GDPD1: variants seen among roughly 807,000 people sequenced by gnomAD.
GDPD1 encodes the protein lysophospholipase D GDPD1.
GDPD1 carries 28 observed loss-of-function variants against 45.1 expected under a neutral mutation model. That is an observed-to-expected ratio of 0.62 (90% CI 0.46 to 0.85). The LOEUF is 0.85. Ranked by LOEUF, GDPD1 falls within the 40% of genes least tolerant of loss-of-function variation. The pLI is 0.00. For synonymous variants in GDPD1, 139 were observed against 131.4 expected (o/e 1.06, Z -0.40); for missense variants, 256 against 364.8 (o/e 0.70, Z 2.43).
At chr17:59,251,519 C>CA (rs112165058) in intron 4 of GDPD1, among the ~76,000 whole-genome samples, 3,853 of 126,988 alleles carry the variant, frequency 0.03, 179 homozygotes, top group African/African-American at 0.1. Context: ...GACTGTGTCT[C>CA]AAAAAAAAAA....
At chr17:59,266,577 A>G (rs965141708) in intron 6 of GDPD1, among the ~76,000 whole-genome samples, 1 of 152,058 alleles carries the variant, frequency 6.6e-6, no homozygotes, top group Non-Finnish European at 1.5e-5. Context: ...TTTATATTTG[A>G]TTCATAACAT....
chr17:59,257,073 A>G, intron 4 of GDPD1, 49 bp from the exon 5 acceptor site: 1 of 960,704 alleles, frequency 1.0e-6, no homozygotes, highest in Non-Finnish European at 1.6e-6. Flanking sequence ...AGTCATCAAA[A>G]AGTAAAACTT....
At chr17:59,260,280 G>A (rs1004792264) in intron 6 of GDPD1, among the ~76,000 whole-genome samples, 6 of 151,154 alleles carry the variant, frequency 4.0e-5, no homozygotes, top group Admixed American at 2.0e-4. Context: ...AGTGGCTCAC[G>A]CTTGTAATCC....
chr17:59,229,105 A>T (rs868044782), intron 1 of GDPD1, among the ~76,000 whole-genome samples: 12 of 147,376 alleles, frequency 8.1e-5, no homozygotes, highest in East Asian at 2.0e-4. Context: ...GAGGAAAAAA[A>T]TTTTTTTCCT....
At chr17:59,242,923 G>C (rs565985240) in intron 2 of GDPD1, among the ~76,000 whole-genome samples, 1 of 152,200 alleles carries the variant, frequency 6.6e-6, no homozygotes, top group Non-Finnish European at 1.5e-5. Context: ...CAGAGGCTGG[G>C]CATGGTGGTT....
Position 59,275,279 on chromosome 17 carries a change from A to G in GDPD1, c.*1506A>G. On this transcript the variant is annotated 3_prime_UTR_variant, in exon 10 of 10. Transcript: ENST00000284116. ...TGTGTAGTTATTTGGCAAGTTATAC[A>G]TAATCAGCAGCAGCCAGGCTCAAGA... The G allele has an allele frequency of 9.7e-6, 11 of 1,133,114 alleles. No individual in the cohort carries two copies. The highest frequency in any genetic ancestry group is 1.4e-5 in the Non-Finnish European group (11 of 786,614). 70.2% of individuals were successfully genotyped at this position (1,133,114 alleles called of 1,614,324 possible). A position where few individuals can be genotyped will look rare whatever the true frequency, so the allele number is the denominator to read the frequency against.
rs1453515869 is a variant in GDPD1 at position 59,220,737 on chromosome 17, T to A, written c.128T>A (p.Ile43Asn). The A allele has an allele frequency of 4.3e-6, 7 of 1,613,414 alleles. No individual in the cohort carries two copies. The highest frequency in any genetic ancestry group is 5.9e-6 in the Non-Finnish European group (7 of 1,179,918). Residue 43 changes from isoleucine (I) to asparagine (N), a missense_variant, in exon 1 of 10, where the codon ATC becomes AAC. Transcript: ENST00000284116. ...AAGCAGCGATTCCTCAGTAAACACA[T>A]CTCTCACCGCGGAGGTGAGAGGGGT... ...RKKQRFLSKHISHRGGAGENL... is the reference protein window; with the variant it reads ...RKKQRFLSKHNSHRGGAGENL...
chr17:59,263,230 C>T (rs2047371686), intron 6 of GDPD1, among the ~76,000 whole-genome samples: 1 of 152,016 alleles, frequency 6.6e-6, no homozygotes, highest in African/African-American at 2.4e-5. Flanking sequence ...TGGAGTCTCT[C>T]TGTATTGCCC....
In GDPD1 at chr17:59,232,436, C is replaced by T. The variant is rs1376097834; in HGVS notation, c.143-2056C>T. ...CTGCACTCCAGACTGGGTGACAGAG[C>T]GAGACTCCGTCTCAAAAAAAAAAAA... On this transcript the variant is annotated intron_variant, in intron 1 of 9. Transcript: ENST00000284116. Among the ~76,000 whole-genome samples the T allele has an allele frequency of 1.8e-4, 26 of 148,142 alleles. No homozygotes were observed. In the Admixed American group the frequency reaches 1.8e-3, roughly 10 times the overall value.
chr17:59,232,610 A>G (rs2047100086), intron 1 of GDPD1, among the ~76,000 whole-genome samples: 1 of 152,202 alleles, frequency 6.6e-6, no homozygotes, highest in African/African-American at 2.4e-5. Context: ...TTATAACAAT[A>G]TAGATGATGT....
intron 2 of GDPD1, among the ~76,000 whole-genome samples, chr17:59,234,767 C>T (rs1206243367): frequency 2.0e-5 from 3 of 152,026 alleles, no homozygotes; most frequent in East Asian, 1.9e-4. Flanking sequence ...TCAAAAGATA[C>T]TATAGTTACA....
intron 3 of GDPD1, among the ~76,000 whole-genome samples, chr17:59,246,675 T>C (rs8074450): frequency 0.42 from 51,691 of 123,232 alleles, 12,609 homozygotes; most frequent in African/African-American, 0.68. Flanking sequence ...TGCCATTGCA[T>C]TCCAGGCTGG....
intron 6 of GDPD1, among the ~76,000 whole-genome samples, chr17:59,263,540 G>A (rs1271402828): frequency 2.4e-5 from 3 of 123,440 alleles, no homozygotes; most frequent in East Asian, 2.4e-4. Context: ...GTGCAATGGC[G>A]CAATCTCGGC....
intron 1 of GDPD1, among the ~76,000 whole-genome samples, chr17:59,223,967 T>G (rs894312398): frequency 3.3e-5 from 5 of 152,094 alleles, no homozygotes; most frequent in African/African-American, 7.2e-5. Context: ...TCTCCACCTT[T>G]TTTTTGAGAC....
chr17:59,273,133 C>CT (rs71145547), intron 9 of GDPD1: 63,124 of 164,556 alleles, frequency 0.38, 13,133 homozygotes, highest in African/African-American at 0.58. Flanking sequence ...TTACTTTTTT[C>CT]TTTTTTTTTT....
chr17:59,225,578 G>A (rs953865000), intron 1 of GDPD1, among the ~76,000 whole-genome samples: 12 of 151,778 alleles, frequency 7.9e-5, no homozygotes, highest in Admixed American at 3.3e-4. Context: ...GCCACCCACC[G>A]CGGCCTCCCA....
At chr17:59,222,505 C>CTTTTTTTGTTTTTTTTTT (rs2047013568) in intron 1 of GDPD1, among the ~76,000 whole-genome samples, 1 of 41,754 alleles carries the variant, frequency 2.4e-5, no homozygotes. Context: ...AGTGCCCAGC[C>CTTTTTTTGTTTTTTTTTT]TTTTTTTTTT....
intron 1 of GDPD1, among the ~76,000 whole-genome samples, chr17:59,222,671 C>A (rs1432502182): frequency 1.3e-5 from 2 of 151,976 alleles, no homozygotes; most frequent in East Asian, 1.9e-4. Context: ...CCCGCCACCA[C>A]GCACAGCTAA....
At chr17:59,225,120 C>G (rs1376804831) in intron 1 of GDPD1, among the ~76,000 whole-genome samples, 24 of 89,088 alleles carry the variant, frequency 2.7e-4, no homozygotes, top group Non-Finnish European at 4.3e-4. Context: ...GAGATGGAAT[C>G]TTGCTCTGTT....
Sources: allele counts gnomAD v4.1 joint callset (sites outside exome capture counted in the v4.1 genomes callset), GRCh38; gene constraint gnomAD v4.1.1; transcripts MANE v1.5; gene names NCBI Gene and HGNC (gene_info 2026-07-23, HGNC 2026-07-21).